The following CEMIP variants were observed in gnomAD, a reference collection of about 807,000 sequenced individuals.
CEMIP encodes the protein cell migration inducing hyaluronidase 1, also known as cell migration-inducing and hyaluronan-binding protein.
A neutral mutation model predicts 156.9 loss-of-function variants in CEMIP; 105 were observed. The observed-to-expected ratio is 0.67, with a 90% CI of 0.57 to 0.79. The LOEUF (loss-of-function observed/expected upper bound fraction) is 0.79. CEMIP is among the 30% of genes least tolerant of loss of function. CEMIP has a pLI of 0.00. For synonymous variants in CEMIP, 676 were observed against 668.4 expected (o/e 1.01, Z -0.17); for missense variants, 1,457 against 1,769.4 (o/e 0.82, Z 3.17).
At chr15:80,871,098 A>C (rs1898273942) in intron 1 of CEMIP, among the ~76,000 whole-genome samples, 1 of 152,194 alleles carries the variant, frequency 6.6e-6, no homozygotes, top group Non-Finnish European at 1.5e-5. Flanking sequence ...GGAAGCTTTT[A>C]ATGGCCAATG....
chr15:80,890,586 CA>C (rs66794844), intron 10 of CEMIP, among the ~76,000 whole-genome samples: 87,614 of 139,984 alleles, frequency 0.63, 27,002 homozygotes, highest in Non-Finnish European at 0.67. Flanking sequence ...GACTCTGACT[CA>C]AAAAAAAAAA....
chr15:80,947,038 G>C lies in CEMIP; in HGVS notation c.3931G>C (p.Gly1311Arg), dbSNP rs1380085525. Reference sequence around the variant, plus strand: ...ATGGACCAGAGTGCTGGAAAAGCTTGGGGCAGACAGGGGTCTCAAGTTGAA... The same window carrying C: ...ATGGACCAGAGTGCTGGAAAAGCTTCGGGCAGACAGGGGTCTCAAGTTGAA... ...GPWTRVLEKLGADRGLKLKEQ... is the reference protein window; with the variant it reads ...GPWTRVLEKLRADRGLKLKEQ... The change falls in exon 29 of 30, where the codon GGG becomes CGG. Residue 1311 changes from glycine (G) to arginine (R), a missense_variant. Coordinates refer to ENST00000394685, the MANE Select transcript of CEMIP (RefSeq NM_001293298.2). 3 of 1,613,572 alleles carry C rather than the reference G, an allele frequency of 1.9e-6. No homozygotes were observed. The highest frequency in any genetic ancestry group is 2.5e-6 in the Non-Finnish European group (3 of 1,179,598).
intron 1 of CEMIP, among the ~76,000 whole-genome samples, chr15:80,824,808 G>C (rs1896993629): frequency 6.6e-6 from 1 of 152,192 alleles, no homozygotes; most frequent in African/African-American, 2.4e-5. Flanking sequence ...ACTAGGTAGG[G>C]TGGGTGCTTA....
intron 13 of CEMIP, among the ~76,000 whole-genome samples, chr15:80,908,190 A>T (rs900652023): frequency 7.2e-5 from 11 of 152,226 alleles, no homozygotes; most frequent in African/African-American, 2.7e-4. Context: ...ATACTAAAGC[A>T]GAAATAGCAG....
intron 28 of CEMIP, among the ~76,000 whole-genome samples, chr15:80,943,713 G>A (rs1048072653): frequency 2.0e-5 from 3 of 151,934 alleles, no homozygotes; most frequent in African/African-American, 4.8e-5. Context: ...AGTACTGCTC[G>A]CCTGCTGGTT....
chr15:80,926,772 A>G (rs998107056), intron 19 of CEMIP, among the ~76,000 whole-genome samples: 56 of 147,318 alleles, frequency 3.8e-4, no homozygotes, highest in African/African-American at 1.4e-3. Context: ...TTTTTAAAAA[A>G]GTCAAAAAAG....
In CEMIP at chr15:80,929,033, C is replaced by T. The variant is rs547104954; in HGVS notation, c.2471C>T (p.Pro824Leu). 2.5e-6 allele frequency: 4 copies of T among 1,614,156 alleles called. No individual in the cohort carries two copies. Among genetic ancestry groups the T allele is most frequent in the South Asian group, 2.2e-5 (2 of 91,076 alleles). ...TCTCTCTACAGTGGTGGAACCTTCC[C>T]GTATGACGACGGCTCCAAGCAAGAG... The part of the protein sequence containing the change: ...GLTLASGGTF[P>L]YDDGSKQEIK... Residue 824 changes from proline (P) to leucine (L), a missense_variant, in exon 21 of 30, where the codon CCG becomes CTG. Physicochemically the swap from Pro to Leu is moderately conservative, Grantham distance 98. This residue lies in a region of CEMIP where 798 missense variants were observed against 980.1 expected (regional missense o/e 0.81). Transcript: ENST00000394685.
intron 1 of CEMIP, among the ~76,000 whole-genome samples, chr15:80,821,626 T>A (rs192246546): frequency 6.6e-6 from 1 of 152,278 alleles, no homozygotes; most frequent in Non-Finnish European, 1.5e-5. Context: ...TGCCACTCAA[T>A]CAGGGTGTGA....
Position 80,878,777 on chromosome 15 carries a change from G to A in CEMIP, c.151G>A (p.Asp51Asn), listed in dbSNP as rs1898551037. Residue 51 changes from aspartate to asparagine, a missense_variant, in exon 4 of 30, where the codon GAC (aspartate) becomes AAC (asparagine). Physicochemically the swap from Asp to Asn is conservative, Grantham distance 23. Around this residue, in one of 5 missense-constraint regions of CEMIP, gnomAD observed 309 missense variants for 340.8 expected, o/e 0.91. Coordinates refer to ENST00000394685, the MANE Select transcript of CEMIP (RefSeq NM_001293298.2). ...GTTGCAACCCTGGAACCCTGGCCAT[G>A]ACCAAGACCACCATGTGCATATCGG... is the stretch of plus-strand genomic sequence containing the variant. ...PELQPWNPGH[D>N]QDHHVHIGQG... 13 of 1,614,192 alleles carry A rather than the reference G, an allele frequency of 8.1e-6. 1 individual carries two copies. The Middle Eastern group carries it at 9.9e-4, about 123-fold the overall frequency.
chr15:80,779,878 G>T (rs1335717131), intron 1 of CEMIP, among the ~76,000 whole-genome samples: 1 of 152,218 alleles, frequency 6.6e-6, no homozygotes, highest in Non-Finnish European at 1.5e-5. Flanking sequence ...TGCAGGTGCC[G>T]GGGGGCGCTG....
chr15:80,915,525 T>G (rs984061109), intron 14 of CEMIP, among the ~76,000 whole-genome samples: 1 of 152,140 alleles, frequency 6.6e-6, no homozygotes, highest in Non-Finnish European at 1.5e-5. Flanking sequence ...CCACAAAAGT[T>G]TCATTGGCCC....
At chr15:80,888,316 C>CA (rs1898919190) in intron 8 of CEMIP, among the ~76,000 whole-genome samples, 2 of 151,662 alleles carry the variant, frequency 1.3e-5, no homozygotes, top group South Asian at 2.1e-4. Flanking sequence ...GACCCCGTCT[C>CA]AAAAAAATTT....
chr15:80,945,808 TTCC>T (rs2141754955), intron 28 of CEMIP, among the ~76,000 whole-genome samples: 1 of 152,350 alleles, frequency 6.6e-6, no homozygotes, highest in South Asian at 2.1e-4. Flanking sequence ...AGGTGCTCAC[TTCC>T]TCCTATCTGG....
intron 1 of CEMIP, among the ~76,000 whole-genome samples, chr15:80,815,821 C>T (rs1171808565): frequency 6.6e-6 from 1 of 152,154 alleles, no homozygotes; most frequent in Non-Finnish European, 1.5e-5. Context: ...AAGTTTAAGG[C>T]GAAATGATAA....
At chr15:80,922,289 G>T in intron 17 of CEMIP, 152 bp downstream of exon 17, 1 of 1,003,052 alleles carries the variant, frequency 1.0e-6, no homozygotes, top group Non-Finnish European at 1.5e-6. Flanking sequence ...GCCTTGCGAG[G>T]CCTCCCAGGC....
intron 7 of CEMIP, among the ~76,000 whole-genome samples, chr15:80,885,585 T>G (rs1028716594): frequency 6.6e-6 from 1 of 152,184 alleles, no homozygotes; most frequent in African/African-American, 2.4e-5. Flanking sequence ...AAGAAGAAAG[T>G]GGCTAAGGGC....
intron 1 of CEMIP, among the ~76,000 whole-genome samples, chr15:80,804,194 A>G (rs1339760460): frequency 6.6e-6 from 1 of 152,208 alleles, no homozygotes; most frequent in African/African-American, 2.4e-5. Flanking sequence ...GAGAGCTACA[A>G]TTGAAGATGA....
intron 1 of CEMIP, among the ~76,000 whole-genome samples, chr15:80,870,654 C>T (rs752549550): frequency 3.9e-5 from 6 of 152,190 alleles, no homozygotes; most frequent in Non-Finnish European, 7.3e-5. Context: ...CAGCAAGCAA[C>T]GCCTCCTGCC....
chr15:80,871,126 T>C (rs545241460), intron 1 of CEMIP, among the ~76,000 whole-genome samples: 116 of 152,332 alleles, frequency 7.6e-4, no homozygotes, highest in Admixed American at 1.5e-3. Context: ...CTGTCCTCCC[T>C]TGGTGAAAGA....
Sources: gnomAD v4.1 joint callset for allele counts (sites outside exome capture counted in the v4.1 genomes callset) on GRCh38, gnomAD v4.1.1 for gene constraint, gnomAD v4.1.1 regional missense constraint, MANE v1.5 for transcripts, NCBI Gene and HGNC (gene_info 2026-07-23, HGNC 2026-07-21) for gene names.